The following ANK3 variants were observed in gnomAD, a reference collection of about 807,000 sequenced individuals.
ANK3 encodes ankyrin 3, also known as ankyrin-3.
ANK3 carries 57 observed loss-of-function variants against 370.9 expected under a neutral mutation model. The observed-to-expected ratio is 0.15, with a 90% CI of 0.12 to 0.19. The LOEUF (loss-of-function observed/expected upper bound fraction) is 0.19, where lower values mean the gene tolerates loss of function less well. Ranked by LOEUF, ANK3 falls within the 10% of genes least tolerant of loss-of-function variation. The pLI is 1.00. For synonymous variants in ANK3, 1,929 were observed against 1,946.3 expected (o/e 0.99, Z 0.23); for missense variants, 4,439 against 5,302.1 (o/e 0.84, Z 5.06).
rs529371015 is a variant in ANK3, at chr10:60,629,242, T to C, written c.58-14018A>G. ...TTTATTACATGGAAGTTTATATCCA[T>C]GTCAAACATTTAAGGCAATTTAAAT... On this transcript the variant is annotated intron_variant, in intron 1 of 43. Coordinates refer to the ANK3 transcript ENST00000373827. Among the ~76,000 whole-genome samples the C allele has an allele frequency of 6.6e-5, 10 of 152,316 alleles. No individual in the cohort carries two copies. The East Asian group carries it at 1.5e-3, about 23-fold the overall frequency.
chr10:60,091,650 C>T (rs543428931), intron 28 of ANK3, among the ~76,000 whole-genome samples: 1 of 151,732 alleles, frequency 6.6e-6, no homozygotes, highest in Non-Finnish European at 1.5e-5. Context: ...GTATAACCTG[C>T]GGAAATTGCT....
intron 23 of ANK3, among the ~76,000 whole-genome samples, chr10:60,153,959 G>A (rs1261418042): frequency 2.6e-5 from 4 of 152,168 alleles, no homozygotes. Context: ...ATGACTTCAT[G>A]TTGATGCAAC....
At chr10:60,505,567 C>T in intron 2 of ANK3, among the ~76,000 whole-genome samples, 1 of 152,076 alleles carries the variant, frequency 6.6e-6, no homozygotes, top group East Asian at 1.9e-4. Flanking sequence ...TCTTCCTGAT[C>T]AAGATTCTGA....
chr10:60,280,887 A>T (rs1457068123), intron 1 of ANK3, among the ~76,000 whole-genome samples: 1 of 152,110 alleles, frequency 6.6e-6, no homozygotes, highest in Non-Finnish European at 1.5e-5. Flanking sequence ...AATTTCATTG[A>T]ACTCTCTTCG....
intron 28 of ANK3, among the ~76,000 whole-genome samples, chr10:60,095,948 T>C (rs1431192032): frequency 1.3e-5 from 2 of 152,032 alleles, no homozygotes; most frequent in African/African-American, 4.8e-5. Context: ...CTGGGGTGGG[T>C]GGATCACCTG....
chr10:60,386,706 C>G (rs570631601), intron 1 of ANK3, among the ~76,000 whole-genome samples: 1 of 152,144 alleles, frequency 6.6e-6, no homozygotes, highest in Non-Finnish European at 1.5e-5. Context: ...CCATACTATA[C>G]GATTCTGTGT....
chr10:60,089,719 T>C (rs1274436300), intron 28 of ANK3, among the ~76,000 whole-genome samples: 4 of 152,014 alleles, frequency 2.6e-5, no homozygotes, highest in Admixed American at 6.6e-5. Context: ...CATATAGAAA[T>C]ATAAGAATTA....
At chr10:60,732,279 G>A (rs12266910) in intron 1 of ANK3, among the ~76,000 whole-genome samples, 47,340 of 152,018 alleles carry the variant, frequency 0.31, 7,366 homozygotes, top group Middle Eastern at 0.36. Context: ...TTCCCGGGAC[G>A]ACTACTGTTT....
At chr10:60,351,045 G>A (rs1555327813) in intron 1 of ANK3, among the ~76,000 whole-genome samples, 1 of 151,072 alleles carries the variant, frequency 6.6e-6, no homozygotes, top group Non-Finnish European at 1.5e-5. Flanking sequence ...TTTTTTTAAA[G>A]AAACAATTGG....
intron 24 of ANK3, chr10:60,137,374 G>GAAA (rs201151245): frequency 0.066 from 10,751 of 164,010 alleles, 873 homozygotes; most frequent in East Asian, 0.16. Context: ...GTAATTTTAG[G>GAAA]AAAAAAAAAA....
chr10:60,725,034 C>G (rs888198659), intron 1 of ANK3, among the ~76,000 whole-genome samples: 7 of 152,204 alleles, frequency 4.6e-5, no homozygotes, highest in African/African-American at 1.7e-4. Context: ...CCCACGCAGG[C>G]AGCCATTCTA....
intron 23 of ANK3, among the ~76,000 whole-genome samples, chr10:60,165,841 A>G (rs984523782): frequency 6.6e-6 from 1 of 152,174 alleles, no homozygotes; most frequent in Non-Finnish European, 1.5e-5. Flanking sequence ...ACAGTTAAAT[A>G]TAATTTTCCC....
chr10:60,107,925 A>C (rs1036747947), intron 27 of ANK3, among the ~76,000 whole-genome samples: 4 of 152,232 alleles, frequency 2.6e-5, no homozygotes, highest in Admixed American at 1.3e-4. Flanking sequence ...AGGTTTACAA[A>C]AGCACGAAGT....
chr10:60,618,055 T>G (rs1040278993), intron 1 of ANK3, among the ~76,000 whole-genome samples: 1 of 152,152 alleles, frequency 6.6e-6, no homozygotes, highest in Non-Finnish European at 1.5e-5. Context: ...TTTTATGATA[T>G]TAAATTTTTT....
chr10:60,337,337 T>C (rs950106696), intron 1 of ANK3, among the ~76,000 whole-genome samples: 1 of 152,142 alleles, frequency 6.6e-6, no homozygotes, highest in African/African-American at 2.4e-5. Flanking sequence ...TCTTGCTCCA[T>C]TCTGTTTTCT....
chr10:60,436,708 T>C (rs2064167638), intron 2 of ANK3, among the ~76,000 whole-genome samples: 1 of 152,208 alleles, frequency 6.6e-6, no homozygotes, highest in Non-Finnish European at 1.5e-5. Context: ...TAGATAAAAG[T>C]CCCTTGACAG....
chr10:60,418,606 C>T (rs991122102), intron 2 of ANK3, among the ~76,000 whole-genome samples: 1 of 151,498 alleles, frequency 6.6e-6, no homozygotes, highest in Non-Finnish European at 1.5e-5. Context: ...AATTGGGTTG[C>T]CATATTAAGT....
At chr10:60,187,729 T>A (rs962353045) in intron 16 of ANK3, among the ~76,000 whole-genome samples, 8 of 152,262 alleles carry the variant, frequency 5.3e-5, no homozygotes, top group Middle Eastern at 3.4e-3. Flanking sequence ...CACTACCATC[T>A]CTCCTCATTT....
chr10:60,026,319 T>G lies in ANK3; in HGVS notation c.*3527A>C, dbSNP rs1053037383. The G allele has an allele frequency of 3.9e-5, 6 of 152,204 alleles. No homozygotes were observed. Among genetic ancestry groups the G allele is most frequent in the Non-Finnish European group, 7.3e-5 (5 of 68,036 alleles). 9.4% of individuals were successfully genotyped at this position (152,204 alleles called of 1,614,324 possible). ...TTGGTTCAAATCTCAATCTTGTAAA[T>G]GTTTACTTCTGGACAATTTGATCAA... On this transcript the variant is annotated 3_prime_UTR_variant, in exon 44 of 44. Transcript: ENST00000280772.
Sources: gnomAD v4.1 joint callset for allele counts (sites outside exome capture counted in the v4.1 genomes callset) on GRCh38, gnomAD v4.1.1 for gene constraint, MANE v1.5 for transcripts, NCBI Gene and HGNC (gene_info 2026-07-23, HGNC 2026-07-21) for gene names.